Variants in CDK13 observed in about 807,000 individuals in gnomAD.
CDK13 encodes the protein cyclin dependent kinase 13, also known as cyclin-dependent kinase 13.
A neutral mutation model predicts 137.6 loss-of-function variants in CDK13; 40 were observed. That is an observed-to-expected ratio of 0.29 (90% confidence interval 0.23 to 0.38). The LOEUF (loss-of-function observed/expected upper bound fraction) is 0.38, where lower values mean the gene tolerates loss of function less well. Among genes scored for constraint, CDK13 ranks in the 10% least tolerant of loss-of-function variants. The pLI, the probability that CDK13 is intolerant of heterozygous loss-of-function variation, is 1.00. For synonymous variants in CDK13, 869 were observed against 760.1 expected, an observed-to-expected ratio of 1.14 and a Z score of -2.36; for missense variants, 1,704 against 1,951.8, an observed-to-expected ratio of 0.87 and a Z score of 2.39.
chr7:40,078,899 A>G, intron 11 of CDK13, 48 bp downstream of exon 11: 1 of 730,276 alleles, frequency 1.4e-6, no homozygotes, highest in Non-Finnish European at 1.8e-6. Context: ...TATTATATTT[A>G]TTATATTAAA....
chr7:39,965,971 A>G (rs1332496094), intron 1 of CDK13, among the ~76,000 whole-genome samples: 1 of 152,178 alleles, frequency 6.6e-6, no homozygotes, highest in Non-Finnish European at 1.5e-5. Context: ...CTTGTAGAGT[A>G]TCTGCTGAGA....
chr7:39,957,986 A>G (rs1270941169), intron 1 of CDK13, among the ~76,000 whole-genome samples: 1 of 152,054 alleles, frequency 6.6e-6, no homozygotes, highest in Non-Finnish European at 1.5e-5. Context: ...TAAGCTTTGA[A>G]GTGGGTGTTG....
chr7:40,094,464 C>G lies in CDK13; in HGVS notation c.4023C>G (p.Ser1341=). Residue 1341 remains serine (S), a synonymous_variant, in exon 14 of 14, where the codon TCC becomes TCG. Transcript: ENST00000181839. ...CAGACTACAAGGACAACTTTGGATC[C>G]TCTTCTTTCTCTTCTGCTCCTTATG... ...STSDYKDNFG[S]SSFSSAPYVS... The G allele has an allele frequency of 6.2e-7, 1 of 1,613,754 alleles. No homozygotes were observed.
At chr7:40,033,556 A>G (rs922719039) in intron 5 of CDK13, among the ~76,000 whole-genome samples, 7 of 152,114 alleles carry the variant, frequency 4.6e-5, no homozygotes, top group African/African-American at 7.2e-5. Context: ...GGGTTAGGCT[A>G]TGTTCACTGT....
chr7:40,098,578 C>T lies in CDK13; in HGVS notation c.*3598C>T, dbSNP rs558731933. The T allele has an allele frequency of 1.8e-3, 264 of 147,462 alleles. No individual in the cohort carries two copies. Among genetic ancestry groups the T allele is most frequent in the African/African-American group, 6.0e-3 (240 of 39,732 alleles). 9.1% of individuals were successfully genotyped at this position (147,462 alleles called of 1,614,324 possible). Reference sequence around the variant, plus strand: ...CCTTTTGATGTTTTAAAAGTCTGAACGAGATGTCCCAGTAACCTAAAATTA... The same window carrying T: ...CCTTTTGATGTTTTAAAAGTCTGAATGAGATGTCCCAGTAACCTAAAATTA... On this transcript the variant is annotated 3_prime_UTR_variant, in exon 14 of 14. Coordinates refer to ENST00000181839, the MANE Select transcript of CDK13 (RefSeq NM_003718.5).
chr7:40,002,739 G>A (rs1490044786), intron 5 of CDK13, among the ~76,000 whole-genome samples: 2 of 151,832 alleles, frequency 1.3e-5, no homozygotes, highest in African/African-American at 2.4e-5. Flanking sequence ...TGTATTCTGA[G>A]GTTTGCAAAC....
rs114894100 is a variant in CDK13 at position 39,975,576 on chromosome 7, G to A, written c.1212-12023G>A. Among the ~76,000 whole-genome samples the A allele has an allele frequency of 6.3e-3, 954 of 152,220 alleles. 12 individuals are homozygous for A. The highest frequency in any genetic ancestry group is 0.021 in the African/African-American group (880 of 41,538). On this transcript the variant is annotated intron_variant, in intron 1 of 13. Coordinates refer to ENST00000181839, the MANE Select transcript of CDK13 (RefSeq NM_003718.5). ...CACATTGGTTTCTCATATACCATGTGTACAGAAACATTTGAACAGTGTTTT... is the reference window on the plus strand; with the variant it reads ...CACATTGGTTTCTCATATACCATGTATACAGAAACATTTGAACAGTGTTTT...
intron 9 of CDK13, among the ~76,000 whole-genome samples, chr7:40,075,786 A>C (rs1786532961): frequency 1.3e-5 from 2 of 152,076 alleles, no homozygotes; most frequent in Non-Finnish European, 2.9e-5. Flanking sequence ...AGGTGGGAGG[A>C]TCACTTGAAG....
At chr7:40,031,805 T>C (rs771157551) in intron 5 of CDK13, among the ~76,000 whole-genome samples, 1 of 143,930 alleles carries the variant, frequency 6.9e-6, no homozygotes, top group African/African-American at 2.6e-5. Flanking sequence ...ACCACCAAGC[T>C]CGGCTAATTT....
rs1193661434 is a variant in CDK13 at position 39,951,643 on chromosome 7, C to A, written c.1002C>A (p.Ser334Arg). The change falls in exon 1 of 14, where the codon AGC becomes AGA. Residue 334 changes from serine to arginine, a missense_variant. Ser to Arg is a moderately radical substitution (Grantham distance 110, BLOSUM62 -1). Transcript: ENST00000181839. ...DSPVSHRASQ[S>R]LRSRKSPSPA... is the part of the protein sequence containing the mutation. ...CGGTGTCCCACAGGGCCTCTCAGAG[C>A]CTGAGGAGCCGCAAGTCCCCCAGCC... is the stretch of plus-strand genomic sequence containing the variant. 18 of 1,476,436 alleles carry A rather than the reference C, an allele frequency of 1.2e-5. No individual in the cohort carries two copies. The highest frequency in any genetic ancestry group is 1.4e-5 in the Non-Finnish European group (16 of 1,117,868). The allele number at this position is 1,476,436 out of a possible 1,614,324, so 91.5% of individuals were successfully genotyped here. A position where few individuals can be genotyped will look rare whatever the true frequency, so the allele number is the denominator to read the frequency against.
chr7:40,015,153 G>GA (rs1784978385), intron 5 of CDK13, among the ~76,000 whole-genome samples: 1 of 152,176 alleles, frequency 6.6e-6, no homozygotes, highest in Non-Finnish European at 1.5e-5. Flanking sequence ...AGGAAATGTA[G>GA]AGTTAGTACC....
At chr7:40,082,857 T>C (rs1339360324) in intron 11 of CDK13, among the ~76,000 whole-genome samples, 1 of 152,026 alleles carries the variant, frequency 6.6e-6, no homozygotes, top group Non-Finnish European at 1.5e-5. Context: ...TCCCAGCACT[T>C]TGAGAGGCCA....
intron 9 of CDK13, among the ~76,000 whole-genome samples, chr7:40,076,811 A>C (rs1452425151): frequency 6.6e-6 from 1 of 152,208 alleles, no homozygotes; most frequent in Non-Finnish European, 1.5e-5. Context: ...ACATTTATAC[A>C]TGCATTTGTA....
Position 40,056,794 on chromosome 7 carries a change from T to C in CDK13, c.2601-6032T>C, listed in dbSNP as rs536827111. On this transcript the variant is annotated intron_variant, in intron 7 of 13. Coordinates refer to ENST00000181839, the MANE Select transcript of CDK13 (RefSeq NM_003718.5). ...CTTGTTAGACCTTGATGGTTGAATG[T>C]GTTGTGAGATACATCCCTGCCTCCA... Among the ~76,000 whole-genome samples the C allele has an allele frequency of 5.9e-5, 9 of 152,332 alleles. No homozygotes were observed. In the South Asian group the frequency reaches 1.9e-3, roughly 32 times the overall value.
chr7:40,037,716 T>A (rs563370513), intron 5 of CDK13, among the ~76,000 whole-genome samples: 36 of 152,336 alleles, frequency 2.4e-4, no homozygotes, highest in Admixed American at 1.9e-3. Flanking sequence ...TTTGACCTTA[T>A]CTTTCTTGTA....
intron 2 of CDK13, among the ~76,000 whole-genome samples, chr7:39,992,936 T>C (rs1021243917): frequency 2.0e-5 from 3 of 152,214 alleles, no homozygotes; most frequent in Non-Finnish European, 2.9e-5. Flanking sequence ...CAGATTGTTT[T>C]ACTCTACTAG....
intron 1 of CDK13, among the ~76,000 whole-genome samples, chr7:39,963,743 A>G (rs1159171251): frequency 1.3e-5 from 2 of 152,052 alleles, no homozygotes; most frequent in Admixed American, 6.6e-5. Context: ...CCCATTCGGT[A>G]TGATATTGGC....
intron 5 of CDK13, among the ~76,000 whole-genome samples, chr7:40,021,766 G>A (rs1785131385): frequency 6.6e-6 from 1 of 152,112 alleles, no homozygotes; most frequent in Admixed American, 6.6e-5. Context: ...AGGAAATGAG[G>A]TACAGGGGTA....
intron 5 of CDK13, among the ~76,000 whole-genome samples, chr7:40,020,721 T>C (rs1277875066): frequency 2.0e-5 from 3 of 152,240 alleles, no homozygotes; most frequent in Admixed American, 1.3e-4. Flanking sequence ...GGTAATATTA[T>C]AGCTATAGGT....
Sources: gnomAD v4.1 joint callset for allele counts (sites outside exome capture counted in the v4.1 genomes callset) on GRCh38, gnomAD v4.1.1 for gene constraint, MANE v1.5 for transcripts, NCBI Gene and HGNC (gene_info 2026-07-23, HGNC 2026-07-21) for gene names.